LRCH3: variants seen among roughly 807,000 people sequenced by gnomAD.
LRCH3 encodes the protein DISP complex protein LRCH3.
LRCH3 carries 68 observed loss-of-function variants against 104.5 expected under a neutral mutation model. The observed-to-expected ratio is 0.65, with a 90% CI of 0.54 to 0.80. The LOEUF (loss-of-function observed/expected upper bound fraction) is 0.80, where lower values mean the gene tolerates loss of function less well. LRCH3 is among the 30% of genes least tolerant of loss of function. LRCH3 has a pLI of 0.00. For synonymous variants in LRCH3, 344 were observed against 361.3 expected, an observed-to-expected ratio of 0.95 and a Z score of 0.54; for missense variants, 951 against 953.9, an observed-to-expected ratio of 1.00 and a Z score of 0.04.
At chr3:197,825,087 C>A (rs959428193) in intron 4 of LRCH3, among the ~76,000 whole-genome samples, 1 of 152,184 alleles carries the variant, frequency 6.6e-6, no homozygotes, top group East Asian at 1.9e-4. Context: ...AAACTATTTT[C>A]TTTCAAGACT....
chr3:197,791,506 G>A lies in LRCH3; in HGVS notation c.228G>A (p.Ala76=), dbSNP rs1730493997. Residue 76 remains alanine (A), a synonymous_variant, in exon 1 of 21, where the codon GCG becomes GCA. Transcript: ENST00000425562. ...GRKLREFPRG[A]ANHDLTDTTR... ...AACTGAGGGAGTTTCCCCGGGGAGC[G>A]GCCAACCACGACCTGACGGACACCA... 2 of 1,598,840 alleles carry A rather than the reference G, an allele frequency of 1.3e-6. No homozygotes were observed. The highest frequency in any genetic ancestry group is 8.5e-7 in the Non-Finnish European group (1 of 1,174,626).
rs1264454717 is a variant in LRCH3 at position 197,879,505 on chromosome 3, G to C, written c.2208+3730G>C. 2.0e-5 allele frequency among the ~76,000 whole-genome samples: 3 copies of C among 151,378 alleles called. No homozygotes were observed. The East Asian group carries it at 5.8e-4, about 29-fold the overall frequency. On this transcript the variant is annotated intron_variant, in intron 20 of 20. Coordinates refer to ENST00000425562, the MANE Select transcript of LRCH3 (RefSeq NM_001365715.1). ...ACTAAAAATACAAAAAATTAGCCGG[G>C]CGTGGTGGCGGGCGCCTGTAGTCCC... is the stretch of plus-strand genomic sequence containing the variant.
intron 12 of LRCH3, chr3:197,852,340 T>G: frequency 2.0e-6 from 1 of 492,716 alleles, no homozygotes; most frequent in South Asian, 2.8e-5. Context: ...GTTCATCGAG[T>G]AAGAGGTCAA....
At chr3:197,844,158 A>T (rs191350044) in intron 10 of LRCH3, among the ~76,000 whole-genome samples, 1 of 152,352 alleles carries the variant, frequency 6.6e-6, no homozygotes, top group African/African-American at 2.4e-5. Flanking sequence ...AGAAACACCC[A>T]GGAGTCTGAG....
At chr3:197,820,576 C>A in intron 4 of LRCH3, 146 bp downstream of exon 4, 1 of 601,376 alleles carries the variant, frequency 1.7e-6, no homozygotes, top group Non-Finnish European at 2.9e-6. Flanking sequence ...TTTGGGAGGC[C>A]GATGAGGGAG....
At chr3:197,846,631 G>A (rs772198259) in intron 10 of LRCH3, among the ~76,000 whole-genome samples, 80 of 150,702 alleles carry the variant, frequency 5.3e-4, no homozygotes, top group Non-Finnish European at 7.9e-4. Context: ...CATGATGATG[G>A]GTTTTTTTTG....
intron 20 of LRCH3, among the ~76,000 whole-genome samples, chr3:197,879,427 A>G (rs527992600): frequency 0.014 from 2,103 of 151,248 alleles, 70 homozygotes; most frequent in African/African-American, 0.049. Flanking sequence ...TGGGCGGATC[A>G]CGAGGTCAGG....
intron 1 of LRCH3, among the ~76,000 whole-genome samples, chr3:197,799,575 A>C (rs1331362575): frequency 6.6e-6 from 1 of 152,192 alleles, no homozygotes; most frequent in Non-Finnish European, 1.5e-5. Context: ...CCCATTAAAA[A>C]CAGGTTTTTG....
At chr3:197,813,870 A>C (rs914943192) in intron 1 of LRCH3, among the ~76,000 whole-genome samples, 4 of 152,152 alleles carry the variant, frequency 2.6e-5, no homozygotes, top group African/African-American at 7.2e-5. Flanking sequence ...TAAAGATAAC[A>C]GTCATTGATG....
At chr3:197,862,329 C>T (rs1005901010) in intron 15 of LRCH3, among the ~76,000 whole-genome samples, 3 of 152,158 alleles carry the variant, frequency 2.0e-5, no homozygotes, top group South Asian at 4.1e-4. Context: ...AGAGAACATT[C>T]GCTGCCCTTC....
At chr3:197,831,707 AC>A (rs1345174011) in intron 7 of LRCH3, among the ~76,000 whole-genome samples, 3 of 152,052 alleles carry the variant, frequency 2.0e-5, no homozygotes, top group African/African-American at 7.3e-5. Context: ...CAGTGGCACG[AC>A]CATGGCTCAA....
chr3:197,881,067 C>T, intron 20 of LRCH3: 4 of 1,105,948 alleles, frequency 3.6e-6, no homozygotes, highest in Non-Finnish European at 4.4e-6. Context: ...TTCCAAGTCA[C>T]ACAATACAAC....
At chr3:197,831,074 T>G in intron 7 of LRCH3, 1 of 445,244 alleles carries the variant, frequency 2.2e-6, no homozygotes, top group Non-Finnish European at 4.1e-6. Flanking sequence ...TGTTTCCTCA[T>G]TGCCTCATGG....
chr3:197,870,135 G>A (rs1288413224), intron 17 of LRCH3, 25 bp from the exon 18 acceptor site: 1 of 1,607,920 alleles, frequency 6.2e-7, no homozygotes, highest in Non-Finnish European at 8.5e-7. Flanking sequence ...TTGCCTTTCT[G>A]TCTTACATAT....
intron 3 of LRCH3, among the ~76,000 whole-genome samples, chr3:197,819,400 T>C (rs1231006262): frequency 6.6e-6 from 1 of 152,054 alleles, no homozygotes; most frequent in Non-Finnish European, 1.5e-5. Context: ...ACCATTTTAA[T>C]GCCTAGAGCA....
chr3:197,812,504 G>GTTTTTTTGTTTTTTTTTTT (rs1733254711), intron 1 of LRCH3, among the ~76,000 whole-genome samples: 1 of 48,956 alleles, frequency 2.0e-5, no homozygotes, highest in Non-Finnish European at 3.5e-5. Context: ...TCTGCTTTCA[G>GTTTTTTTGTTTTTTTTTTT]TTTTTTTTTT....
Position 197,829,675 on chromosome 3 carries a change from T to C in LRCH3, c.887+2T>C. 2 of 1,589,574 alleles carry C rather than the reference T, an allele frequency of 1.3e-6. No individual in the cohort carries two copies. The highest frequency in any genetic ancestry group is 1.7e-6 in the Non-Finnish European group (2 of 1,161,194). On this transcript the variant is annotated splice_donor_variant, in intron 6 of 20. Transcript: ENST00000425562. LOFTEE classifies it high-confidence loss of function. ...GAGACCGTTGGGTTTTGGCTCCTGGTAAGTATATTCTGTCCCTTTATCTAT... is the reference window on the plus strand; with the variant it reads ...GAGACCGTTGGGTTTTGGCTCCTGGCAAGTATATTCTGTCCCTTTATCTAT...
Position 197,856,584 on chromosome 3 carries a change from A to G in LRCH3, c.1644+2139A>G, listed in dbSNP as rs191048191. On this transcript the variant is annotated intron_variant, in intron 14 of 20. Transcript: ENST00000425562. This position sits in a 1 kb window ranked among gnomAD's most constrained non-coding sequence, Gnocchi z 4.2. Reference sequence around the variant, plus strand: ...TATTTTTTTGTAGAGTCAGGGTCTCACTGTGTTGCCCAGGCTGGTCTCTAA... The same window carrying G: ...TATTTTTTTGTAGAGTCAGGGTCTCGCTGTGTTGCCCAGGCTGGTCTCTAA... 2.6e-3 allele frequency among the ~76,000 whole-genome samples: 396 copies of G among 151,986 alleles called. 5 individuals carry two copies. The highest frequency in any genetic ancestry group is 8.9e-3 in the African/African-American group (370 of 41,460).
chr3:197,818,450 C>T (rs1425197400), intron 3 of LRCH3, among the ~76,000 whole-genome samples: 1 of 152,132 alleles, frequency 6.6e-6, no homozygotes, highest in Admixed American at 6.5e-5. Flanking sequence ...AGATGGTTAT[C>T]ATAAATTAAT....
Sources: gnomAD v4.1 joint callset for allele counts (sites outside exome capture counted in the v4.1 genomes callset) on GRCh38, gnomAD v4.1.1 for gene constraint, Gnocchi (gnomAD v3.1) non-coding constraint, MANE v1.5 for transcripts, NCBI Gene and HGNC (gene_info 2026-07-23, HGNC 2026-07-21) for gene names.